The following EYS variants were observed in gnomAD, a reference collection of about 807,000 sequenced individuals.
EYS encodes the protein protein eyes shut homolog.
A neutral mutation model predicts 282.1 loss-of-function variants in EYS; 250 were observed. That is an observed-to-expected ratio of 0.89 (90% CI 0.80 to 0.98). EYS has a LOEUF of 0.98. Ranked by LOEUF, EYS falls within the 50% of genes least tolerant of loss-of-function variation. EYS has a pLI of 0.00. For missense variants in EYS, 4,016 were observed against 3,709.0 expected, an observed-to-expected ratio of 1.08 and a Z score of -2.15; for synonymous variants, 1,355 against 1,282.9, an observed-to-expected ratio of 1.06 and a Z score of -1.20.
At chr6:64,692,260 A>G (rs1770414271) in intron 22 of EYS, among the ~76,000 whole-genome samples, 1 of 152,118 alleles carries the variant, frequency 6.6e-6, no homozygotes, top group Non-Finnish European at 1.5e-5. Context: ...GATGCTAAGC[A>G]TTTTATCTTA....
intron 11 of EYS, among the ~76,000 whole-genome samples, chr6:65,328,367 G>A (rs1316892193): frequency 1.3e-5 from 2 of 151,340 alleles, no homozygotes; most frequent in Non-Finnish European, 3.0e-5. Context: ...CTAGCATTTT[G>A]TCATAATAAT....
intron 29 of EYS, among the ~76,000 whole-genome samples, chr6:64,367,753 C>T (rs374672825): frequency 2.0e-5 from 3 of 152,132 alleles, no homozygotes; most frequent in Admixed American, 1.3e-4. Context: ...GCAACGGCAG[C>T]GTGGGGAGCT....
At chr6:65,684,588 T>C (rs937991846) in intron 1 of EYS, among the ~76,000 whole-genome samples, 35 of 152,172 alleles carry the variant, frequency 2.3e-4, no homozygotes, top group African/African-American at 5.1e-4. Flanking sequence ...TACATGAACC[T>C]AGGGGCTGTT....
At chr6:65,403,522 T>G (rs944151504) in intron 6 of EYS, among the ~76,000 whole-genome samples, 3 of 151,998 alleles carry the variant, frequency 2.0e-5, no homozygotes, top group Admixed American at 6.6e-5. Flanking sequence ...TTATTCTCAT[T>G]GAATCCAATC....
intron 14 of EYS, among the ~76,000 whole-genome samples, chr6:64,953,593 A>G (rs576261576): frequency 6.6e-6 from 1 of 151,976 alleles, no homozygotes; most frequent in African/African-American, 2.4e-5. Context: ...AAAAACAAAC[A>G]GAACTATCTT....
intron 26 of EYS, among the ~76,000 whole-genome samples, chr6:64,558,627 T>G (rs1765307326): frequency 1.3e-5 from 2 of 152,178 alleles, no homozygotes; most frequent in African/African-American, 4.8e-5. Flanking sequence ...CAGCTTTTAT[T>G]GTGTATACAC....
chr6:64,674,081 G>C (rs1223042176), intron 22 of EYS, among the ~76,000 whole-genome samples: 1 of 151,994 alleles, frequency 6.6e-6, no homozygotes, highest in Non-Finnish European at 1.5e-5. Flanking sequence ...CTTGACTAGT[G>C]ATACAGAGAA....
chr6:65,306,009 T>G (rs1026188912), intron 11 of EYS, among the ~76,000 whole-genome samples: 2 of 145,924 alleles, frequency 1.4e-5, no homozygotes, highest in African/African-American at 4.9e-5. Context: ...GAATTGAGTT[T>G]TCTTTTCTTG....
chr6:65,367,767 C>T (rs1764970113), intron 8 of EYS, among the ~76,000 whole-genome samples: 1 of 151,696 alleles, frequency 6.6e-6, no homozygotes, highest in African/African-American at 2.4e-5. Context: ...TTAAACATTT[C>T]TTACTCTATA....
intron 22 of EYS, among the ~76,000 whole-genome samples, chr6:64,717,126 G>A (rs1771425057): frequency 6.6e-6 from 1 of 152,130 alleles, no homozygotes; most frequent in African/African-American, 2.4e-5. Context: ...TGCATAGTGT[G>A]AGAAAAAGGT....
chr6:64,853,394 G>T (rs1765948060), intron 19 of EYS, among the ~76,000 whole-genome samples: 1 of 152,014 alleles, frequency 6.6e-6, no homozygotes, highest in Admixed American at 6.6e-5. Flanking sequence ...TGTGTCCAGG[G>T]CTTTCTTTTT....
Position 64,163,763 on chromosome 6 carries a change from ATT to A in EYS, c.6424+66827_6424+66828del, listed in dbSNP as rs536366460. On this transcript the variant is annotated intron_variant, in intron 31 of 42. Transcript: ENST00000503581. ...CTGGCACTTTAGAAAAATATGTGAG[ATT>A]TGAAAAATTTCAAGTGATATATGCA... Among the ~76,000 whole-genome samples, 46 of 152,196 alleles carry A rather than the reference ATT, an allele frequency of 3.0e-4. 1 individual carries two copies. In the South Asian group the frequency reaches 5.2e-3, roughly 17 times the overall value.
chr6:64,602,167 T>C (rs2149838697), intron 24 of EYS, among the ~76,000 whole-genome samples: 1 of 152,198 alleles, frequency 6.6e-6, no homozygotes, highest in South Asian at 2.1e-4. Flanking sequence ...TAAATGTCAC[T>C]AGGTAGAAGC....
intron 2 of EYS, among the ~76,000 whole-genome samples, chr6:65,598,238 A>ACC (rs869129603): frequency 4.1e-3 from 59 of 14,494 alleles, no homozygotes; most frequent in East Asian, 0.015. Context: ...CTCCCCACCC[A>ACC]CCCCCCCCCC....
chr6:65,226,855 T>C (rs898004441), intron 12 of EYS, among the ~76,000 whole-genome samples: 7 of 152,068 alleles, frequency 4.6e-5, no homozygotes, highest in African/African-American at 1.7e-4. Flanking sequence ...AGTCAAAAGG[T>C]AGAAACGCAG....
chr6:65,484,219 TC>T (rs1214192607), intron 5 of EYS, among the ~76,000 whole-genome samples: 1 of 152,106 alleles, frequency 6.6e-6, no homozygotes, highest in East Asian at 1.9e-4. Context: ...CAGTTTATGC[TC>T]ATGGGGTAGA....
intron 19 of EYS, among the ~76,000 whole-genome samples, chr6:64,844,375 T>A (rs1480540731): frequency 2.0e-5 from 3 of 150,198 alleles, no homozygotes; most frequent in Admixed American, 1.3e-4. Context: ...TTTTTTTGAG[T>A]AGAAGCATAG....
intron 41 of EYS, among the ~76,000 whole-genome samples, chr6:63,751,366 T>C (rs931067978): frequency 6.6e-6 from 1 of 152,250 alleles, no homozygotes; most frequent in Non-Finnish European, 1.5e-5. Flanking sequence ...ATAGGCATTT[T>C]CTGTTCAGTT....
intron 14 of EYS, among the ~76,000 whole-genome samples, chr6:64,974,842 C>T (rs995057426): frequency 2.0e-5 from 3 of 151,734 alleles, no homozygotes; most frequent in African/African-American, 7.3e-5. Flanking sequence ...TGATAACATA[C>T]AAGAGTAATG....
Sources: gnomAD v4.1 joint callset for allele counts (sites outside exome capture counted in the v4.1 genomes callset) on GRCh38, gnomAD v4.1.1 for gene constraint, MANE v1.5 for transcripts, NCBI Gene and HGNC (gene_info 2026-07-23, HGNC 2026-07-21) for gene names.